The following KLF12 variants were observed in gnomAD, a reference collection of about 807,000 sequenced individuals.
The protein encoded by KLF12 is KLF transcription factor 12, also known as Krueppel-like factor 12.
In KLF12, 9 loss-of-function variants were observed where a neutral mutation model predicts 37.8. That is an observed-to-expected ratio of 0.24 (90% CI 0.14 to 0.42). The LOEUF is 0.42. KLF12 is among the 10% of genes least tolerant of loss of function. The pLI is 1.00. For missense variants in KLF12, 411 were observed against 516.0 expected (o/e 0.80, Z 1.97); for synonymous variants, 208 against 202.1 (o/e 1.03, Z -0.25).
chr13:73,801,176 T>A (rs1882261939), intron 5 of KLF12: 2 of 152,140 alleles, frequency 1.3e-5, no homozygotes, highest in African/African-American at 4.8e-5. Flanking sequence ...TTCACTTTTT[T>A]ACTTTCATTT....
In KLF12 at chr13:73,790,550, A is replaced by G. The variant is rs1331280075; in HGVS notation, c.806+22602T>C. 6.6e-5 allele frequency among the ~76,000 whole-genome samples: 10 copies of G among 152,346 alleles called. No homozygotes were observed. In the East Asian group the frequency reaches 1.7e-3, roughly 26 times the overall value. ...CAGCAATGAAAACCCAATACTTTCC[A>G]GGGTGATATTCAAAATAAAGTTATG... On this transcript the variant is annotated intron_variant, in intron 5 of 7. Transcript: ENST00000377669.
At chr13:74,207,685 A>G in the KLF12 span, among the ~76,000 whole-genome samples, 12 of 152,138 alleles carry the variant, frequency 7.9e-5, no homozygotes, top group South Asian at 2.1e-4. Context: ...AAACAAAAAC[A>G]AAACAAAACA....
chr13:74,215,427 C>CT, the KLF12 span, among the ~76,000 whole-genome samples: 14,694 of 60,342 alleles, frequency 0.24, 2,079 homozygotes, highest in African/African-American at 0.42. Flanking sequence ...CCTCTGGGTT[C>CT]TTTTTTTTTT....
intron 3 of KLF12, among the ~76,000 whole-genome samples, chr13:73,892,134 T>C (rs963324926): frequency 7.9e-5 from 12 of 152,108 alleles, no homozygotes; most frequent in Non-Finnish European, 1.3e-4. Context: ...GACTCTAGAT[T>C]TGGGCATTTT....
chr13:74,111,293 A>G (rs1396868710), intron 1 of KLF12, among the ~76,000 whole-genome samples: 1 of 152,180 alleles, frequency 6.6e-6, no homozygotes, highest in Admixed American at 6.5e-5. Flanking sequence ...ACTGTACTGT[A>G]GCCTGAAAGA....
chr13:74,154,448 C>T, the KLF12 span, among the ~76,000 whole-genome samples: 3 of 152,158 alleles, frequency 2.0e-5, no homozygotes, highest in Admixed American at 6.5e-5. Context: ...CCCAGAATCT[C>T]TGAGATTGTG....
At chr13:73,787,420 C>T (rs771371018) in intron 5 of KLF12, among the ~76,000 whole-genome samples, 18 of 152,104 alleles carry the variant, frequency 1.2e-4, no homozygotes, top group Non-Finnish European at 2.2e-4. Context: ...TAGTCCCTTT[C>T]ACAAAACAGG....
the KLF12 span, among the ~76,000 whole-genome samples, chr13:74,214,505 CATTG>C: frequency 2.6e-5 from 4 of 152,144 alleles, no homozygotes; most frequent in Admixed American, 6.6e-5. Context: ...GATAGTTTGA[CATTG>C]ATTGATTGAT....
intron 4 of KLF12, among the ~76,000 whole-genome samples, chr13:73,813,650 G>A (rs1015995342): frequency 1.3e-5 from 2 of 152,178 alleles, no homozygotes; most frequent in Admixed American, 1.3e-4. Flanking sequence ...CAGAGCTCTG[G>A]CCATTTCACT....
At chr13:73,732,349 C>G (rs960389781) in intron 6 of KLF12, among the ~76,000 whole-genome samples, 4 of 152,066 alleles carry the variant, frequency 2.6e-5, no homozygotes, top group Non-Finnish European at 4.4e-5. Flanking sequence ...CTCGGCCCCC[C>G]AAAGTGCTGG....
At chr13:74,107,973 G>C (rs1876747215) in intron 1 of KLF12, among the ~76,000 whole-genome samples, 2 of 152,298 alleles carry the variant, frequency 1.3e-5, no homozygotes, top group South Asian at 2.1e-4. Flanking sequence ...CTTATATACT[G>C]TACATATGGT....
chr13:73,904,000 G>A (rs1888154115), intron 3 of KLF12, among the ~76,000 whole-genome samples: 1 of 152,184 alleles, frequency 6.6e-6, no homozygotes, highest in African/African-American at 2.4e-5. Context: ...CAAAAAAGGT[G>A]ATGACTGCTG....
At chr13:74,025,669 G>T (rs1892959176) in intron 1 of KLF12, among the ~76,000 whole-genome samples, 1 of 152,146 alleles carries the variant, frequency 6.6e-6, no homozygotes, top group Non-Finnish European at 1.5e-5. Context: ...ACTGAGGTAA[G>T]AAAGGTACCC....
chr13:73,984,193 C>T (rs1228271819), intron 2 of KLF12, among the ~76,000 whole-genome samples: 1 of 152,172 alleles, frequency 6.6e-6, no homozygotes, highest in Non-Finnish European at 1.5e-5. Context: ...AACTACATGT[C>T]TACATTTTCA....
chr13:74,129,902 G>A (rs1878168272), intron 1 of KLF12, among the ~76,000 whole-genome samples: 1 of 152,216 alleles, frequency 6.6e-6, no homozygotes, highest in African/African-American at 2.4e-5. Context: ...TCCACAGCAT[G>A]TGTTCTCTAC....
chr13:74,021,267 T>C (rs1261854311), intron 1 of KLF12, among the ~76,000 whole-genome samples: 3 of 152,066 alleles, frequency 2.0e-5, no homozygotes, highest in African/African-American at 7.2e-5. Context: ...TTTGACTCAA[T>C]AGCATTACTC....
intron 4 of KLF12, among the ~76,000 whole-genome samples, chr13:73,821,737 A>C (rs374582428): frequency 1.3e-5 from 2 of 152,258 alleles, no homozygotes. Flanking sequence ...CTCATTTTCC[A>C]CTGGGAGCAA....
chr13:73,838,431 AAAG>A (rs1318535052), intron 4 of KLF12, among the ~76,000 whole-genome samples: 1 of 152,194 alleles, frequency 6.6e-6, no homozygotes, highest in East Asian at 1.9e-4. Context: ...ACATTCTTTA[AAAG>A]AAGAAGACCA....
chr13:73,793,257 G>C (rs75994848), intron 5 of KLF12, among the ~76,000 whole-genome samples: 2 of 152,028 alleles, frequency 1.3e-5, no homozygotes, highest in African/African-American at 4.8e-5. Flanking sequence ...ATGTGTGTGC[G>C]GTCTGCCCCC....
Sources: gnomAD v4.1 joint callset for allele counts (sites outside exome capture counted in the v4.1 genomes callset) on GRCh38, gnomAD v4.1.1 for gene constraint, MANE v1.5 for transcripts, NCBI Gene and HGNC (gene_info 2026-07-23, HGNC 2026-07-21) for gene names.